CDH18: variants seen among roughly 807,000 people sequenced by gnomAD.
CDH18 encodes cadherin-18.
A neutral mutation model predicts 67.9 loss-of-function variants in CDH18; 31 were observed. The ratio of observed to expected loss-of-function variants is 0.46; its 90% CI spans 0.34 to 0.62. The LOEUF is 0.62. Ranked by LOEUF, CDH18 falls within the 20% of genes least tolerant of loss-of-function variation. The probability of loss-of-function intolerance (pLI) is 0.01; values close to 1 mark genes in which losing one functional copy is unlikely to be tolerated. For synonymous variants in CDH18, 362 were observed against 347.2 expected (o/e 1.04, Z -0.48); for missense variants, 890 against 975.5 (o/e 0.91, Z 1.17).
chr5:19,638,995 T>G (rs1753626598), intron 5 of CDH18, among the ~76,000 whole-genome samples: 2 of 110,296 alleles, frequency 1.8e-5, no homozygotes, highest in African/African-American at 6.5e-5. Context: ...TTTTTTTTTT[T>G]TTTTTTTTTG....
At chr5:19,654,215 A>G (rs1410803399) in intron 5 of CDH18, among the ~76,000 whole-genome samples, 1 of 152,112 alleles carries the variant, frequency 6.6e-6, no homozygotes, top group African/African-American at 2.4e-5. Context: ...GGGTTTAATT[A>G]TTGCATGTTT....
chr5:19,536,398 T>C (rs972671397), intron 9 of CDH18, among the ~76,000 whole-genome samples: 4 of 152,078 alleles, frequency 2.6e-5, no homozygotes, highest in African/African-American at 9.7e-5. Flanking sequence ...GTTATGAAAT[T>C]ATTGAAAAAA....
chr5:20,430,865 A>G (rs1420627805), intron 1 of CDH18, among the ~76,000 whole-genome samples: 2 of 152,188 alleles, frequency 1.3e-5, no homozygotes, highest in Non-Finnish European at 2.9e-5. Context: ...TAATACATTC[A>G]TCTAAGTAAA....
chr5:19,709,860 C>G (rs184809521), intron 5 of CDH18, among the ~76,000 whole-genome samples: 135 of 152,170 alleles, frequency 8.9e-4, no homozygotes, highest in African/African-American at 3.0e-3. Flanking sequence ...TTTGGCTGGG[C>G]TCAGTGGCTC....
chr5:20,371,694 T>C (rs1165842647), intron 1 of CDH18, among the ~76,000 whole-genome samples: 1 of 152,144 alleles, frequency 6.6e-6, no homozygotes, highest in East Asian at 1.9e-4. Context: ...TGAAAGCAGG[T>C]TCAGTAGAGC....
chr5:19,839,503 A>T (rs148511081), intron 2 of CDH18, among the ~76,000 whole-genome samples: 8 of 152,224 alleles, frequency 5.3e-5, no homozygotes, highest in African/African-American at 1.9e-4. Flanking sequence ...TTTGTTATAT[A>T]TACTACACAT....
intron 2 of CDH18, among the ~76,000 whole-genome samples, chr5:20,202,230 C>T (rs917184142): frequency 5.9e-5 from 9 of 152,130 alleles, no homozygotes; most frequent in Admixed American, 4.6e-4. Context: ...ACAGGGACAC[C>T]TGTAAAAAAC....
At chr5:19,735,858 G>A (rs186487446) in intron 4 of CDH18, among the ~76,000 whole-genome samples, 11 of 152,204 alleles carry the variant, frequency 7.2e-5, no homozygotes, top group Middle Eastern at 3.4e-3. Context: ...ATAGTTTCAT[G>A]CATATATACA....
intron 5 of CDH18, among the ~76,000 whole-genome samples, chr5:19,617,664 ATGCTGGGT>A (rs1750050559): frequency 6.6e-6 from 1 of 152,102 alleles, no homozygotes. Context: ...TTCTCTTGTG[ATGCTGGGT>A]TGAATCAACA....
chr5:19,853,545 A>G (rs1783941122), intron 2 of CDH18, among the ~76,000 whole-genome samples: 1 of 152,130 alleles, frequency 6.6e-6, no homozygotes, highest in South Asian at 2.1e-4. Flanking sequence ...TTATTGTGCC[A>G]CATGGAACAA....
At chr5:20,510,205 T>C (rs1001004875) in intron 1 of CDH18, among the ~76,000 whole-genome samples, 1 of 152,190 alleles carries the variant, frequency 6.6e-6, no homozygotes, top group Non-Finnish European at 1.5e-5. Context: ...GAGAGATGTC[T>C]GTTTAGGTAA....
intron 9 of CDH18, among the ~76,000 whole-genome samples, chr5:19,541,204 T>A (rs1462063857): frequency 6.6e-6 from 1 of 152,140 alleles, no homozygotes; most frequent in Non-Finnish European, 1.5e-5. Context: ...CCATCTGAGA[T>A]CACATCAGCC....
At chr5:19,761,136 G>T (rs1772286723) in intron 3 of CDH18, among the ~76,000 whole-genome samples, 1 of 152,122 alleles carries the variant, frequency 6.6e-6, no homozygotes, top group Non-Finnish European at 1.5e-5. Flanking sequence ...TTCACTGCAG[G>T]TCAGCCACTC....
chr5:19,741,656 G>A (rs1769231130), intron 4 of CDH18, among the ~76,000 whole-genome samples: 1 of 151,958 alleles, frequency 6.6e-6, no homozygotes, highest in South Asian at 2.1e-4. Context: ...GAGCATTCTG[G>A]CACTATGAAA....
intron 1 of CDH18, among the ~76,000 whole-genome samples, chr5:20,436,419 T>C (rs1476758682): frequency 6.6e-6 from 1 of 151,892 alleles, no homozygotes; most frequent in African/African-American, 2.4e-5. Flanking sequence ...TTAGCTTTTC[T>C]TAGCTTAATT....
chr5:19,824,015 C>G (rs1053143531), intron 3 of CDH18, among the ~76,000 whole-genome samples: 43 of 151,784 alleles, frequency 2.8e-4, no homozygotes, highest in Non-Finnish European at 1.5e-5. Flanking sequence ...ACCTTAACAT[C>G]ACAACTAGGG....
At chr5:19,658,566 T>C (rs1756724928) in intron 5 of CDH18, among the ~76,000 whole-genome samples, 1 of 152,172 alleles carries the variant, frequency 6.6e-6, no homozygotes, top group Non-Finnish European at 1.5e-5. Flanking sequence ...ATACTTTTAA[T>C]TTTATAACTG....
At chr5:19,949,893 T>C (rs1301468645) in intron 2 of CDH18, among the ~76,000 whole-genome samples, 1 of 151,866 alleles carries the variant, frequency 6.6e-6, no homozygotes, top group Non-Finnish European at 1.5e-5. Context: ...CATGCGTGTG[T>C]TTAAAGCAGC....
intron 2 of CDH18, among the ~76,000 whole-genome samples, chr5:19,978,652 A>C (rs574962784): frequency 1.3e-5 from 2 of 152,222 alleles, no homozygotes; most frequent in South Asian, 2.1e-4. Context: ...ACTAGGGGAG[A>C]ATCCATTTCC....
Sources: allele counts gnomAD v4.1 joint callset (sites outside exome capture counted in the v4.1 genomes callset), GRCh38; gene constraint gnomAD v4.1.1; transcripts MANE v1.5; gene names NCBI Gene and HGNC (gene_info 2026-07-23, HGNC 2026-07-21).